The following CCDC91 variants were observed in gnomAD, a reference collection of about 807,000 sequenced individuals.
The protein encoded by CCDC91 is coiled-coil domain-containing protein 91.
CCDC91 carries 48 observed loss-of-function variants against 63.2 expected under a neutral mutation model. The observed-to-expected ratio is 0.76, with a 90% CI of 0.60 to 0.97. CCDC91 has a LOEUF of 0.97. Ranked by LOEUF, CCDC91 falls within the 50% of genes least tolerant of loss-of-function variation. The probability of loss-of-function intolerance (pLI) is 0.00; values close to 1 mark genes in which losing one functional copy is unlikely to be tolerated. For synonymous variants in CCDC91, 167 were observed against 165.8 expected (o/e 1.01, Z -0.06); for missense variants, 500 against 494.6 (o/e 1.01, Z -0.10).
At chr12:28,506,104 G>A (rs1281254325) in intron 12 of CCDC91, among the ~76,000 whole-genome samples, 2 of 151,982 alleles carry the variant, frequency 1.3e-5, no homozygotes, top group African/African-American at 4.8e-5. Context: ...ATGTGAATGT[G>A]ATACATAGCT....
At chr12:28,418,908 TCAAA>T (rs1261164836) in intron 8 of CCDC91, among the ~76,000 whole-genome samples, 1 of 152,100 alleles carries the variant, frequency 6.6e-6, no homozygotes. Flanking sequence ...TAAAGGCAAG[TCAAA>T]CAAACTCCAA....
intron 8 of CCDC91, among the ~76,000 whole-genome samples, chr12:28,447,002 G>T (rs1027258573): frequency 6.6e-6 from 1 of 152,082 alleles, no homozygotes; most frequent in African/African-American, 2.4e-5. Flanking sequence ...TCCTTTGCCC[G>T]TTGTCCTGTT....
rs80033383 is a variant in CCDC91 at position 28,506,004 on chromosome 12, G to A, written c.1215+21839G>A. Among the ~76,000 whole-genome samples the A allele has an allele frequency of 5.7e-3, 866 of 152,008 alleles. 2 individuals are homozygous for A. The highest frequency in any genetic ancestry group is 9.7e-3 in the Non-Finnish European group (657 of 67,914). On this transcript the variant is annotated intron_variant, in intron 12 of 12. Transcript: ENST00000536442. ...TGTGTATTAGGGCTAAAATCAAAAA[G>A]CAAATTAATGATTACACATATTTCT...
chr12:28,259,479 T>TC, intron 3 of CCDC91, 37 bp downstream of exon 3: 1 of 1,385,312 alleles, frequency 7.2e-7, no homozygotes, highest in Non-Finnish European at 1.0e-6. Context: ...TTTTTTTTTT[T>TC]TTTCCCATGT....
At chr12:28,347,260 G>C (rs1416985460) in intron 6 of CCDC91, among the ~76,000 whole-genome samples, 1 of 152,174 alleles carries the variant, frequency 6.6e-6, no homozygotes, top group Admixed American at 6.5e-5. Flanking sequence ...CAGGGATCTG[G>C]AACAATTGAG....
At chr12:28,200,774 T>C (rs1942176451) in intron 1 of CCDC91, among the ~76,000 whole-genome samples, 1 of 151,634 alleles carries the variant, frequency 6.6e-6, no homozygotes, top group Non-Finnish European at 1.5e-5. Context: ...TGGCCTGTTC[T>C]CAATGAGCTG....
intron 3 of CCDC91, among the ~76,000 whole-genome samples, chr12:28,274,027 A>T (rs1356904245): frequency 1.3e-5 from 2 of 152,184 alleles, no homozygotes; most frequent in Admixed American, 1.3e-4. Flanking sequence ...ATAAGGTGTA[A>T]GGAAGGGATC....
At chr12:28,236,018 A>G (rs1261805030) in intron 1 of CCDC91, among the ~76,000 whole-genome samples, 4 of 152,244 alleles carry the variant, frequency 2.6e-5, no homozygotes, top group African/African-American at 7.2e-5. Flanking sequence ...TAAATCATTT[A>G]TTTCAGTAGA....
At chr12:28,362,012 C>G (rs1338807522) in intron 6 of CCDC91, among the ~76,000 whole-genome samples, 10 of 152,078 alleles carry the variant, frequency 6.6e-5, no homozygotes, top group Non-Finnish European at 1.0e-4. Context: ...AGACTTCATC[C>G]TCTCCTGTCC....
intron 12 of CCDC91, among the ~76,000 whole-genome samples, chr12:28,520,665 C>G (rs889275577): frequency 1.3e-5 from 2 of 152,150 alleles, no homozygotes; most frequent in African/African-American, 2.4e-5. Flanking sequence ...GTCCTGAATG[C>G]TATTGTCTAG....
chr12:28,194,069 TTTTTCTCTTATGATTTGTGC>T (rs1941519042), intron 1 of CCDC91, among the ~76,000 whole-genome samples: 1 of 152,220 alleles, frequency 6.6e-6, no homozygotes, highest in Non-Finnish European at 1.5e-5. Flanking sequence ...GTTTATCAGT[TTTTTCTCTTATGATTTGTGC>T]TTTTTTATCA....
chr12:28,209,275 TTTTACAA>T (rs1943069372), intron 1 of CCDC91, among the ~76,000 whole-genome samples: 3 of 152,324 alleles, frequency 2.0e-5, no homozygotes, highest in Non-Finnish European at 4.4e-5. Flanking sequence ...TTTTATAACC[TTTTACAA>T]TTTTTGTGAA....
chr12:28,535,269 G>A (rs1243561513), intron 12 of CCDC91, among the ~76,000 whole-genome samples: 5 of 152,082 alleles, frequency 3.3e-5, no homozygotes, highest in East Asian at 3.9e-4. Flanking sequence ...TTTTTCATCC[G>A]GGCATAATGA....
intron 1 of CCDC91, among the ~76,000 whole-genome samples, chr12:28,210,708 A>G (rs778709843): frequency 6.6e-6 from 1 of 152,118 alleles, no homozygotes; most frequent in Non-Finnish European, 1.5e-5. Flanking sequence ...AACAGCTGAT[A>G]TTTTTGTGTT....
chr12:28,220,320 G>A (rs754963778), intron 1 of CCDC91, among the ~76,000 whole-genome samples: 45 of 151,694 alleles, frequency 3.0e-4, no homozygotes, highest in African/African-American at 4.4e-4. Flanking sequence ...CATCTTTAAC[G>A]TATTAGTCCA....
At chr12:28,502,609 G>C in intron 12 of CCDC91, among the ~76,000 whole-genome samples, 9 of 148,680 alleles carry the variant, frequency 6.1e-5, no homozygotes, top group African/African-American at 7.3e-5. Flanking sequence ...AACCAAAAAA[G>C]AGCCCACATT....
chr12:28,435,844 A>G (rs1948875873), intron 8 of CCDC91, among the ~76,000 whole-genome samples: 1 of 151,732 alleles, frequency 6.6e-6, no homozygotes, highest in South Asian at 2.1e-4. Context: ...TGACCCCTTT[A>G]TCATTATGTA....
At chr12:28,469,376 C>G (rs1950698134) in intron 11 of CCDC91, among the ~76,000 whole-genome samples, 1 of 151,794 alleles carries the variant, frequency 6.6e-6, no homozygotes, top group African/African-American at 2.4e-5. Context: ...ATTAACCTAA[C>G]CAAACAAGTG....
intron 11 of CCDC91, among the ~76,000 whole-genome samples, chr12:28,458,455 CTTTTTTTTTTTTTTTT>C (rs60083355): frequency 2.6e-4 from 12 of 45,792 alleles, no homozygotes; most frequent in South Asian, 1.4e-3. Flanking sequence ...ATTTGCACAC[CTTTTTTTTTTTTTTTT>C]TTTTTTTTTT....
Sources: allele counts gnomAD v4.1 joint callset (sites outside exome capture counted in the v4.1 genomes callset), GRCh38; gene constraint gnomAD v4.1.1; transcripts MANE v1.5; gene names NCBI Gene and HGNC (gene_info 2026-07-23, HGNC 2026-07-21).